The following CLN3 variants were observed in gnomAD, a reference collection of about 807,000 sequenced individuals.
CLN3 encodes CLN3 lysosomal/endosomal transmembrane protein, battenin, also known as battenin.
Under a neutral mutation model 60.7 loss-of-function variants are expected in CLN3, and 49 were observed. The ratio of observed to expected loss-of-function variants is 0.81; its 90% confidence interval spans 0.64 to 1.02. CLN3 has a LOEUF of 1.02. Ranked by LOEUF, CLN3 falls within the 50% of genes least tolerant of loss-of-function variation. The probability of loss-of-function intolerance (pLI) is 0.00; values close to 1 mark genes in which losing one functional copy is unlikely to be tolerated. For missense variants in CLN3, 516 were observed against 557.4 expected, an observed-to-expected ratio of 0.93 and a Z score of 0.75; for synonymous variants, 256 against 245.8, an observed-to-expected ratio of 1.04 and a Z score of -0.39.
rs368113837 is a variant in CLN3, at chr16:28,482,389, C to T, written c.907-7G>A. On this transcript the variant is annotated splice_polypyrimidine_tract_variant and splice_region_variant and intron_variant, in intron 12 of 15. Transcript: ENST00000636147. ...AGAAAAAGAGGAGTTCAAACTGCAA[C>T]AAATACCAGACAGGGGAGATGGACG... is the stretch of plus-strand genomic sequence containing the variant. 6.2e-7 allele frequency: 1 copy of T among 1,614,076 alleles called. No individual in the cohort carries two copies. Among genetic ancestry groups the T allele is most frequent in the East Asian group, 2.2e-5 (1 of 44,884 alleles).
Position 28,492,004 on chromosome 16 carries a change from A to C in CLN3, c.-77+16T>G. The C allele has an allele frequency of 1.6e-6, 1 of 610,332 alleles. No individual in the cohort carries two copies. Among genetic ancestry groups the C allele is most frequent in the Non-Finnish European group, 2.9e-6 (1 of 342,692 alleles). The allele number at this position is 610,332 out of a possible 1,614,324, so 37.8% of individuals were successfully genotyped here. A position where few individuals can be genotyped will look rare whatever the true frequency, so the allele number is the denominator to read the frequency against. ...CTCCCCCGCCCCGTCTACAGCAGGG[A>C]CCCTGAGGCCTGTACCTTTAAGAGC... is the stretch of plus-strand genomic sequence containing the variant. On this transcript the variant is annotated intron_variant, in intron 1 of 15. Coordinates refer to ENST00000636147, the MANE Select transcript of CLN3 (RefSeq NM_001042432.2).
At chr16:28,478,789 C>T (rs2046040434) in intron 14 of CLN3, among the ~76,000 whole-genome samples, 2 of 152,094 alleles carry the variant, frequency 1.3e-5, no homozygotes, top group Non-Finnish European at 2.9e-5. Context: ...GGCCTCTGCC[C>T]GCTAGATGCC....
intron 6 of CLN3, 26 bp downstream of exon 6, chr16:28,487,636 C>A: frequency 6.2e-7 from 1 of 1,608,554 alleles, no homozygotes; most frequent in Non-Finnish European, 8.5e-7. Context: ...CCTGCCCACC[C>A]TGCCTCCCAC....
intron 14 of CLN3, among the ~76,000 whole-genome samples, chr16:28,479,132 A>G (rs892887207): frequency 1.3e-5 from 2 of 152,136 alleles, no homozygotes. Context: ...ACCACGCCAC[A>G]TTGCCTCTTG....
chr16:28,486,530 CT>C (rs964595855), intron 8 of CLN3, 40 bp from the exon 9 acceptor site: 58 of 1,608,506 alleles, frequency 3.6e-5, no homozygotes, highest in Non-Finnish European at 4.8e-5. Flanking sequence ...AGGACCTAGG[CT>C]GACCATGGGA....
the CLN3 span, among the ~76,000 whole-genome samples, chr16:28,468,741 A>T: frequency 1.6e-5 from 2 of 121,382 alleles, 1 homozygote; most frequent in Non-Finnish European, 3.7e-5. Flanking sequence ...CAGGAGGCAG[A>T]GGTTGCAGTG....
chr16:28,488,532 G>A, intron 5 of CLN3, 59 bp downstream of exon 5: 4 of 1,443,254 alleles, frequency 2.8e-6, no homozygotes, highest in South Asian at 1.1e-5. Flanking sequence ...GGCTGGGAGT[G>A]GGGTCTATAG....
At chr16:28,481,120 C>T (rs1345817272) in intron 14 of CLN3, among the ~76,000 whole-genome samples, 1 of 151,642 alleles carries the variant, frequency 6.6e-6, no homozygotes, top group Non-Finnish European at 1.5e-5. Context: ...TTTCTTTTTT[C>T]TTTTTCTGGG....
intron 14 of CLN3, among the ~76,000 whole-genome samples, chr16:28,478,846 G>A (rs1248153221): frequency 6.6e-6 from 1 of 152,046 alleles, no homozygotes; most frequent in Non-Finnish European, 1.5e-5. Context: ...TGCAGACGTT[G>A]CCAAACATCC....
downstream of CLN3, among the ~76,000 whole-genome samples, chr16:28,473,337 G>A (rs976049662): frequency 6.6e-6 from 1 of 151,966 alleles, no homozygotes; most frequent in Admixed American, 6.6e-5. Context: ...TTGTCCTCCT[G>A]CCTCCCAGAA....
Position 28,486,486 on chromosome 16 carries a change from C to G in CLN3, c.538G>C (p.Val180Leu), listed in dbSNP as rs202215629. The G allele has an allele frequency of 6.2e-7, 1 of 1,612,412 alleles. No individual in the cohort carries two copies. Among genetic ancestry groups the G allele is most frequent in the Non-Finnish European group, 8.5e-7 (1 of 1,179,358 alleles). ...LSLTAFYPRA[V>L]ISWWSSGTGG... ...GTCCCTGAGGACCACCAGGAGATCA[C>G]GGCCCTGGGAAGGAGAACACAGGAA... The change falls in exon 9 of 16, where the codon GTG (valine) becomes CTG (leucine). Residue 180 changes from valine (V) to leucine (L), a missense_variant. Transcript: ENST00000636147.
At chr16:28,479,716 C>T in intron 14 of CLN3, 1 of 194,868 alleles carries the variant, frequency 5.1e-6, no homozygotes, top group Non-Finnish European at 1.1e-5. Context: ...TTGCAGTGAG[C>T]CAAGATTGCA....
chr16:28,475,683 T>G (rs1347742797), downstream of CLN3: 2 of 152,204 alleles, frequency 1.3e-5, no homozygotes, highest in African/African-American at 4.8e-5. Flanking sequence ...CATAACTATT[T>G]AAAGTAAAGT....
At chr16:28,486,289 G>A in intron 9 of CLN3, 58 bp downstream of exon 9, 3 of 1,606,064 alleles carry the variant, frequency 1.9e-6, no homozygotes, top group Middle Eastern at 2.3e-4. Context: ...ACCACACCCA[G>A]CCATGGCCAA....
downstream of CLN3, among the ~76,000 whole-genome samples, chr16:28,472,736 G>A (rs914101416): frequency 1.3e-5 from 2 of 150,258 alleles, no homozygotes; most frequent in African/African-American, 2.4e-5. Context: ...CCGCTACTCA[G>A]GAGGCTGAGG....
chr16:28,486,880 C>T (rs1567261075), intron 7 of CLN3: 2 of 601,000 alleles, frequency 3.3e-6, no homozygotes, highest in East Asian at 2.8e-5. Context: ...GACATGCACC[C>T]TTGATGTCTC....
At chr16:28,473,116 T>G (rs2045965452), downstream of CLN3, among the ~76,000 whole-genome samples, 1 of 152,022 alleles carries the variant, frequency 6.6e-6, no homozygotes, top group Non-Finnish European at 1.5e-5. Context: ...TTTATTTTTA[T>G]TTTTTGAGAC....
intron 9 of CLN3, among the ~76,000 whole-genome samples, chr16:28,485,944 C>CA (rs1176639751): frequency 1.3e-5 from 2 of 151,916 alleles, no homozygotes; most frequent in Non-Finnish European, 2.9e-5. Flanking sequence ...CCTCCCTTCA[C>CA]AGCAAGGTAG....
intron 13 of CLN3, 32 bp from the exon 14 acceptor site, chr16:28,482,230 C>T: frequency 6.2e-7 from 1 of 1,605,184 alleles, no homozygotes. Flanking sequence ...GGAGAGGAGG[C>T]TCCTCCAGGG....
Sources: allele counts gnomAD v4.1 joint callset (sites outside exome capture counted in the v4.1 genomes callset), GRCh38; gene constraint gnomAD v4.1.1; transcripts MANE v1.5; gene names NCBI Gene and HGNC (gene_info 2026-07-23, HGNC 2026-07-21).